ANKRD26: variants seen among roughly 807,000 people sequenced by gnomAD.
ANKRD26 encodes the protein ankyrin repeat domain 26, also known as ankyrin repeat domain-containing protein 26.
ANKRD26 carries 141 observed loss-of-function variants against 208.7 expected under a neutral mutation model. The observed-to-expected ratio is 0.68, with a 90% CI of 0.59 to 0.78. The LOEUF is 0.78. ANKRD26 is among the 30% of genes least tolerant of loss of function. ANKRD26 has a pLI of 0.00. For missense variants in ANKRD26, 1,889 were observed against 1,938.7 expected, an observed-to-expected ratio of 0.97 and a Z score of 0.48; for synonymous variants, 636 against 660.4, an observed-to-expected ratio of 0.96 and a Z score of 0.57.
intron 29 of ANKRD26, among the ~76,000 whole-genome samples, chr10:27,021,525 T>G (rs548859422): frequency 2.0e-5 from 3 of 152,144 alleles, no homozygotes; most frequent in Admixed American, 1.3e-4. Context: ...TGATGTGCAC[T>G]TCCCTGATGA....
At chr10:26,980,774 A>T (rs902831566) in exon 5 of ANKRD26, among the ~76,000 whole-genome samples, 7 of 152,202 alleles carry the variant, frequency 4.6e-5, no homozygotes, top group African/African-American at 1.7e-4. Context: ...AGGCTAGAGC[A>T]TGCAGGCAGA....
chr10:27,089,184 A>G (rs35251443), intron 4 of ANKRD26, among the ~76,000 whole-genome samples: 19,894 of 152,178 alleles, frequency 0.13, 1,433 homozygotes, highest in East Asian at 0.28. Flanking sequence ...TGCAGCAACA[A>G]AATCACTGGT....
In ANKRD26 at chr10:27,062,218, C is replaced by A. The variant is rs1207770190; in HGVS notation, c.1364-976G>T. On this transcript the variant is annotated intron_variant, in intron 12 of 33. Transcript: ENST00000376087. ...TTCCTCTTCATTTAACAATAGTTAT[C>A]TTATATCTACAATTTCTATTTCTCC... 5 of 977,914 alleles carry A rather than the reference C, an allele frequency of 5.1e-6. No homozygotes were observed. The South Asian group carries it at 2.4e-4, about 46-fold the overall frequency. The allele number at this position is 977,914 out of a possible 1,614,324, so 60.6% of individuals were successfully genotyped here. A position where few individuals can be genotyped will look rare whatever the true frequency, so the allele number is the denominator to read the frequency against.
chr10:27,018,308 G>C lies in ANKRD26; in HGVS notation c.4216-516C>G, dbSNP rs1046064567. On this transcript the variant is annotated intron_variant, in intron 29 of 33. Coordinates refer to ENST00000376087, the MANE Select transcript of ANKRD26 (RefSeq NM_014915.3). ...CACCACCAGGCCCGGCTAATTTTTT[G>C]TATTTTTAGTAGAGACAGGGTTTCA... Among the ~76,000 whole-genome samples the C allele has an allele frequency of 1.5e-4, 23 of 151,712 alleles. No individual in the cohort carries two copies. The East Asian group carries it at 3.9e-3, about 26-fold the overall frequency.
intron 29 of ANKRD26, 116 bp downstream of exon 29, chr10:27,022,442 T>G: frequency 1.2e-6 from 1 of 820,578 alleles, no homozygotes; most frequent in South Asian, 1.8e-5. Context: ...TTTTTATTAG[T>G]ATCAAGTCCC....
intron 5 of ANKRD26, among the ~76,000 whole-genome samples, chr10:26,979,921 C>T (rs2052282338): frequency 1.8e-5 from 2 of 108,806 alleles, no homozygotes; most frequent in Non-Finnish European, 4.0e-5. Context: ...ATAACTCTGG[C>T]AGTCTTTTGT....
In ANKRD26 at chr10:27,092,492, T is replaced by A; in HGVS notation, c.552A>T (p.Leu184Phe). The change falls in exon 4 of 34, where the codon TTA (leucine) becomes TTT (phenylalanine). Residue 184 changes from leucine to phenylalanine, a missense_variant. Physicochemically the swap from Leu to Phe is conservative, Grantham distance 22. Coordinates refer to ENST00000376087, the MANE Select transcript of ANKRD26 (RefSeq NM_014915.3). ...GCTGCTTTTTTCCACTTACTGCAAGTAAAAGTGGTGTGAGGTCATCCTGTA... is the reference window on the plus strand; with the variant it reads ...GCTGCTTTTTTCCACTTACTGCAAGAAAAAGTGGTGTGAGGTCATCCTGTA... ...AKNKDDLTPLLLAVSGKKQQM... is the reference protein window; with the variant it reads ...AKNKDDLTPLFLAVSGKKQQM... 5 of 1,613,532 alleles carry A rather than the reference T, an allele frequency of 3.1e-6. No individual in the cohort carries two copies. The highest frequency in any genetic ancestry group is 4.2e-6 in the Non-Finnish European group (5 of 1,179,820).
chr10:27,034,715 T>C, intron 24 of ANKRD26, 81 bp downstream of exon 24: 1 of 879,928 alleles, frequency 1.1e-6, no homozygotes, highest in East Asian at 2.7e-5. Context: ...TATTTATTTT[T>C]ATAGTTAACT....
intron 5 of ANKRD26, among the ~76,000 whole-genome samples, chr10:26,979,536 C>T (rs1233078005): frequency 6.6e-6 from 1 of 152,170 alleles, no homozygotes; most frequent in African/African-American, 2.4e-5. Context: ...TTCTTAGACA[C>T]ACCCATCATG....
At chr10:26,970,799 A>G (rs980144768), downstream of ANKRD26, among the ~76,000 whole-genome samples, 2 of 152,248 alleles carry the variant, frequency 1.3e-5, no homozygotes, top group South Asian at 2.1e-4. Context: ...ATCAGTTTCA[A>G]TCAAATACGG....
chr10:26,965,073 T>G, the ANKRD26 span, among the ~76,000 whole-genome samples: 1 of 152,160 alleles, frequency 6.6e-6, no homozygotes, highest in Admixed American at 6.5e-5. Context: ...ATTTATAGAT[T>G]CAATGCCATC....
intron 19 of ANKRD26, among the ~76,000 whole-genome samples, chr10:27,043,813 A>G (rs1023320277): frequency 6.6e-6 from 1 of 151,516 alleles, no homozygotes; most frequent in African/African-American, 2.4e-5. Flanking sequence ...TTTTTTTGAC[A>G]TCGGGTCTCG....
At chr10:27,051,412 G>T (rs1213310138) in intron 16 of ANKRD26, 1 of 1,158,178 alleles carries the variant, frequency 8.6e-7, no homozygotes, top group Admixed American at 4.2e-5. Flanking sequence ...TCACTATACT[G>T]AGGCACACGT....
chr10:27,048,213 T>C (rs1323799127), intron 17 of ANKRD26, among the ~76,000 whole-genome samples: 1 of 152,184 alleles, frequency 6.6e-6, no homozygotes, highest in Non-Finnish European at 1.5e-5. Flanking sequence ...GTGCAATCCC[T>C]TGGCAAAATT....
chr10:26,948,273 G>A, the ANKRD26 span, among the ~76,000 whole-genome samples: 1 of 152,080 alleles, frequency 6.6e-6, no homozygotes, highest in Non-Finnish European at 1.5e-5. Flanking sequence ...CAGGGTCCTG[G>A]GTAATTATAA....
rs1245354553 is a variant in ANKRD26 at position 27,092,350 on chromosome 10, A to G, written c.638+56T>C. On this transcript the variant is annotated intron_variant, in intron 4 of 33. Coordinates refer to ENST00000376087, the MANE Select transcript of ANKRD26 (RefSeq NM_014915.3). ...CCTGTAACATGCAAAACACAGATCTAAAAAAACTTTTAAACATACAAGTTT... is the reference window on the plus strand; with the variant it reads ...CCTGTAACATGCAAAACACAGATCTGAAAAAACTTTTAAACATACAAGTTT... 8 of 1,352,752 alleles carry G rather than the reference A, an allele frequency of 5.9e-6. No individual in the cohort carries two copies. In the East Asian group the frequency reaches 9.5e-5, roughly 16 times the overall value. The allele number at this position is 1,352,752 out of a possible 1,614,324, so 83.8% of individuals were successfully genotyped here.
At position 27,080,760 on chromosome 10, in the gene ANKRD26, A is replaced by G. The variant is rs3781102; in HGVS notation, c.741-1599T>C. ...AAATGCCCAAGAGTAGAAGCTCTCT[A>G]TATCTCTGCTCCTGGAAAACAAGCT... On this transcript the variant is annotated intron_variant, in intron 6 of 33. Coordinates refer to ENST00000376087, the MANE Select transcript of ANKRD26 (RefSeq NM_014915.3). 6.7e-3 allele frequency: 6,625 copies of G among 985,466 alleles called. 344 individuals are homozygous for G. In the East Asian group the frequency reaches 0.15, roughly 23 times the overall value. 61.0% of individuals were successfully genotyped at this position (985,466 alleles called of 1,614,324 possible). A position where few individuals can be genotyped will look rare whatever the true frequency, so the allele number is the denominator to read the frequency against.
rs376969366 is a variant in ANKRD26 at position 27,035,452 on chromosome 10, C to A, written c.2998G>T (p.Glu1000Ter). The change falls in exon 24 of 34, where the codon GAA becomes TAA. Residue 1000 changes from glutamate (E) to a stop codon, truncating the protein, a stop_gained. Coordinates refer to ENST00000376087, the MANE Select transcript of ANKRD26 (RefSeq NM_014915.3). LOFTEE classifies it high-confidence loss of function. ...SKLENEKQSK[E>*]RLEAEVESYH... ...GATTCAACTTCTGCTTCCAGTCTTT[C>A]CTTGCTTTGCTTTTCATTCTCCAGT... 6.2e-7 allele frequency: 1 copy of A among 1,614,004 alleles called. No individual in the cohort carries two copies. Among genetic ancestry groups the A allele is most frequent in the Non-Finnish European group, 8.5e-7 (1 of 1,179,944 alleles).
At chr10:26,967,161 T>A in the ANKRD26 span, among the ~76,000 whole-genome samples, 5 of 152,344 alleles carry the variant, frequency 3.3e-5, no homozygotes, top group South Asian at 1.0e-3. Flanking sequence ...AAATAACATT[T>A]GCCATCTCTA....
Sources: gnomAD v4.1 joint callset for allele counts (sites outside exome capture counted in the v4.1 genomes callset) on GRCh38, gnomAD v4.1.1 for gene constraint, MANE v1.5 for transcripts, NCBI Gene and HGNC (gene_info 2026-07-23, HGNC 2026-07-21) for gene names.